Variants in DIP2C observed in about 807,000 individuals in gnomAD.
DIP2C encodes disco-interacting protein 2 homolog C.
DIP2C carries 33 observed loss-of-function variants against 192.4 expected under a neutral mutation model. That is an observed-to-expected ratio of 0.17 (90% CI 0.13 to 0.23). The LOEUF (loss-of-function observed/expected upper bound fraction) is 0.23, where lower values mean the gene tolerates loss of function less well. Among genes scored for constraint, DIP2C ranks in the 10% least tolerant of loss-of-function variants. The pLI, the probability that DIP2C is intolerant of heterozygous loss-of-function variation, is 1.00. For missense variants in DIP2C, 1,537 were observed against 2,110.1 expected (o/e 0.73, Z 5.32); for synonymous variants, 979 against 864.1 (o/e 1.13, Z -2.33).
At chr10:386,351 C>G (rs1485479850) in intron 14 of DIP2C, among the ~76,000 whole-genome samples, 1 of 152,214 alleles carries the variant, frequency 6.6e-6, no homozygotes, top group Admixed American at 6.5e-5. Flanking sequence ...CTTGGACGCA[C>G]GTCTGACATG....
intron 1 of DIP2C, among the ~76,000 whole-genome samples, chr10:606,497 T>C (rs1267666410): frequency 1.3e-5 from 2 of 150,014 alleles, no homozygotes; most frequent in Non-Finnish European, 3.0e-5. Context: ...TTCTCATTGG[T>C]TGGGAGGGGA....
rs1266149375 is a variant in DIP2C at position 414,760 on chromosome 10, G to A, written c.860-650C>T. On this transcript the variant is annotated intron_variant, in intron 7 of 36. Coordinates refer to ENST00000280886, the MANE Select transcript of DIP2C (RefSeq NM_014974.3). ...GTGTGTACATATATATATATATAATGTGTATATATATAATGTGTATATATA... is the reference window on the plus strand; with the variant it reads ...GTGTGTACATATATATATATATAATATGTATATATATAATGTGTATATATA... Among the ~76,000 whole-genome samples, 428 of 49,726 alleles carry A rather than the reference G, an allele frequency of 8.6e-3. 6 individuals carry two copies. The highest frequency in any genetic ancestry group is 9.9e-3 in the Non-Finnish European group (249 of 25,166). 32.6% of individuals were successfully genotyped at this position (49,726 alleles called of 152,430 possible).
At chr10:566,799 C>T (rs1367818948) in intron 1 of DIP2C, among the ~76,000 whole-genome samples, 1 of 152,268 alleles carries the variant, frequency 6.6e-6, no homozygotes, top group Non-Finnish European at 1.5e-5. Flanking sequence ...GGCTCACAGG[C>T]ACCATGCGGA....
intron 1 of DIP2C, among the ~76,000 whole-genome samples, chr10:592,691 C>A (rs532217630): frequency 6.6e-6 from 1 of 152,088 alleles, no homozygotes; most frequent in Non-Finnish European, 1.5e-5. Context: ...ATTTTTAATT[C>A]TTTGTAAATT....
intron 1 of DIP2C, among the ~76,000 whole-genome samples, chr10:623,186 C>A (rs545707895): frequency 6.6e-6 from 1 of 151,986 alleles, no homozygotes; most frequent in Non-Finnish European, 1.5e-5. Flanking sequence ...GGAGGGGGCA[C>A]GGAGGCAGCA....
chr10:469,177 G>T (rs776780327), intron 3 of DIP2C, among the ~76,000 whole-genome samples: 2 of 152,112 alleles, frequency 1.3e-5, no homozygotes, highest in African/African-American at 4.8e-5. Flanking sequence ...GTGCAGAATC[G>T]GAGACTATCC....
chr10:471,962 A>T (rs1330043993), intron 3 of DIP2C, among the ~76,000 whole-genome samples: 1 of 152,186 alleles, frequency 6.6e-6, no homozygotes, highest in Admixed American at 6.5e-5. Context: ...CAGCTGGCCA[A>T]GCCCAGGTGG....
chr10:493,173 A>G (rs2133596972), intron 1 of DIP2C, among the ~76,000 whole-genome samples: 1 of 152,324 alleles, frequency 6.6e-6, no homozygotes, highest in South Asian at 2.1e-4. Flanking sequence ...CAGTGGGAAG[A>G]TTTAAACATG....
intron 1 of DIP2C, among the ~76,000 whole-genome samples, chr10:606,788 C>G (rs767000760): frequency 4.6e-5 from 7 of 152,182 alleles, no homozygotes; most frequent in Non-Finnish European, 1.0e-4. Flanking sequence ...AAGACCCAAC[C>G]CGAGACCAGG....
intron 1 of DIP2C, among the ~76,000 whole-genome samples, chr10:659,495 T>C (rs1312101431): frequency 2.0e-5 from 3 of 152,232 alleles, no homozygotes; most frequent in East Asian, 3.8e-4. Context: ...TTACTGCACA[T>C]TTCTTGATTT....
chr10:341,524 G>A (rs1442407791), intron 28 of DIP2C, among the ~76,000 whole-genome samples, 195 bp from the exon 29 acceptor site: 3 of 149,948 alleles, frequency 2.0e-5, no homozygotes, highest in Admixed American at 6.6e-5. Flanking sequence ...TCAGAAACCC[G>A]GGACAATACG....
chr10:426,215 AAT>A (rs1175853903), intron 4 of DIP2C, among the ~76,000 whole-genome samples: 4 of 152,130 alleles, frequency 2.6e-5, no homozygotes, highest in Non-Finnish European at 5.9e-5. Context: ...ACAACCTGAG[AAT>A]AAAGTTAAGA....
chr10:475,533 G>A (rs1336544443), intron 2 of DIP2C, among the ~76,000 whole-genome samples: 2 of 152,106 alleles, frequency 1.3e-5, no homozygotes, highest in African/African-American at 2.4e-5. Flanking sequence ...GGAGTTCCAG[G>A]CTGCTGCTCG....
chr10:426,294 C>CAA (rs1281189933), intron 4 of DIP2C, among the ~76,000 whole-genome samples: 1 of 152,034 alleles, frequency 6.6e-6, no homozygotes, highest in Non-Finnish European at 1.5e-5. Flanking sequence ...CAAAAAGGTA[C>CAA]AAAATGTGTA....
intron 6 of DIP2C, 41 bp from the exon 7 acceptor site, chr10:415,929 C>G (rs955314160): frequency 6.2e-7 from 1 of 1,612,280 alleles, no homozygotes; most frequent in African/African-American, 1.3e-5. Flanking sequence ...GCGATCATCA[C>G]AGCTTCAATG....
At chr10:361,759 C>G (rs960148878) in intron 22 of DIP2C, among the ~76,000 whole-genome samples, 2 of 152,160 alleles carry the variant, frequency 1.3e-5, no homozygotes, top group Non-Finnish European at 2.9e-5. Context: ...TGTTTACGTC[C>G]CGAGGCGGCA....
chr10:650,531 C>G (rs1169747119), intron 1 of DIP2C: 7 of 670,072 alleles, frequency 1.0e-5, no homozygotes, highest in Non-Finnish European at 1.9e-5. Context: ...CTGGTCCCCC[C>G]ATGACAGCCG....
At chr10:400,749 A>C (rs1205594981) in intron 9 of DIP2C, among the ~76,000 whole-genome samples, 1 of 148,828 alleles carries the variant, frequency 6.7e-6, no homozygotes, top group African/African-American at 2.5e-5. Context: ...ACTCTTCTTT[A>C]TGGACAAGTT....
rs144118643 is a variant in DIP2C at position 413,857 on chromosome 10, C to A, written c.1057+56G>T. On this transcript the variant is annotated intron_variant, in intron 8 of 36. Coordinates refer to ENST00000280886, the MANE Select transcript of DIP2C (RefSeq NM_014974.3). Reference sequence around the variant, plus strand: ...AAACGGACACTGAGTTTCCTGCGTTCGGGAGTGGCTGTGCGAGGGGGTGGG... The same window carrying A: ...AAACGGACACTGAGTTTCCTGCGTTAGGGAGTGGCTGTGCGAGGGGGTGGG... 5 of 1,573,720 alleles carry A rather than the reference C, an allele frequency of 3.2e-6. No homozygotes were observed. In the South Asian group the frequency reaches 3.5e-5, roughly 11 times the overall value.
Sources: gnomAD v4.1 joint callset for allele counts (sites outside exome capture counted in the v4.1 genomes callset) on GRCh38, gnomAD v4.1.1 for gene constraint, MANE v1.5 for transcripts, NCBI Gene and HGNC (gene_info 2026-07-23, HGNC 2026-07-21) for gene names.